The following MTUS2 variants were observed in gnomAD, a reference collection of about 807,000 sequenced individuals.
MTUS2 encodes microtubule associated scaffold protein 2, also known as microtubule-associated tumor suppressor candidate 2.
Under a neutral mutation model 114.1 loss-of-function variants are expected in MTUS2, and 40 were observed. The ratio of observed to expected loss-of-function variants is 0.35; its 90% CI spans 0.27 to 0.46. The LOEUF (loss-of-function observed/expected upper bound fraction) is 0.46. MTUS2 is among the 20% of genes least tolerant of loss of function. The probability of loss-of-function intolerance (pLI) is 1.00; values close to 1 mark genes in which losing one functional copy is unlikely to be tolerated. For missense variants in MTUS2, 1,679 were observed against 1,705.4 expected (o/e 0.98, Z 0.27); for synonymous variants, 688 against 672.0 (o/e 1.02, Z -0.37).
intron 8 of MTUS2, among the ~76,000 whole-genome samples, chr13:29,405,743 CTTT>C (rs35738274): frequency 7.0e-6 from 1 of 141,900 alleles, no homozygotes; most frequent in Non-Finnish European, 1.5e-5. Flanking sequence ...TAATTAACTA[CTTT>C]TTTTTTTTTT....
intron 5 of MTUS2, among the ~76,000 whole-genome samples, chr13:29,207,405 T>A (rs1311295018): frequency 6.6e-6 from 1 of 152,202 alleles, no homozygotes; most frequent in East Asian, 1.9e-4. Context: ...CTGATTTGGA[T>A]GCCCTTTATT....
intron 4 of MTUS2, among the ~76,000 whole-genome samples, chr13:29,046,001 G>T (rs1370859779): frequency 6.6e-6 from 1 of 152,006 alleles, no homozygotes; most frequent in African/African-American, 2.4e-5. Context: ...GCTTGAGAAA[G>T]AATTGTTTAT....
intron 2 of MTUS2, among the ~76,000 whole-genome samples, chr13:28,921,134 C>A (rs7338961): frequency 0.016 from 2,388 of 152,312 alleles, 57 homozygotes; most frequent in African/African-American, 0.054. Context: ...CCATAGCTCC[C>A]ACAGCTGAGA....
chr13:29,217,099 C>G (rs1041519623), intron 5 of MTUS2, among the ~76,000 whole-genome samples: 2 of 152,132 alleles, frequency 1.3e-5, no homozygotes, highest in African/African-American at 4.8e-5. Flanking sequence ...TTCTGTAGAC[C>G]TCTACTCAAC....
rs112270006 is a variant in MTUS2, at chr13:29,286,676, A to G, written c.2806+4811A>G. Among the ~76,000 whole-genome samples, 140 of 126,442 alleles carry G rather than the reference A, an allele frequency of 1.1e-3. 2 individuals are homozygous for G. Among genetic ancestry groups the G allele is most frequent in the Admixed American group, 9.5e-3 (127 of 13,430 alleles). 83.0% of individuals were successfully genotyped at this position (126,442 alleles called of 152,430 possible). ...TGTCTGTCTGTCTGTCTGTCTGTCT[A>G]TCTATCTATCTATCTATCTATCTTA... On this transcript the variant is annotated intron_variant, in intron 6 of 15. Transcript: ENST00000612955.
At chr13:29,005,351 G>T (rs1885559406) in intron 2 of MTUS2, among the ~76,000 whole-genome samples, 1 of 152,246 alleles carries the variant, frequency 6.6e-6, no homozygotes, top group East Asian at 1.9e-4. Context: ...CACAAATAGG[G>T]CTTTGATCCC....
chr13:29,023,683 C>A (rs968621228), intron 2 of MTUS2, among the ~76,000 whole-genome samples: 1 of 152,126 alleles, frequency 6.6e-6, no homozygotes, highest in Non-Finnish European at 1.5e-5. Context: ...TAATAATATC[C>A]TTTGCTAACA....
chr13:29,389,690 T>TAC (rs1289547523), intron 8 of MTUS2, among the ~76,000 whole-genome samples: 1 of 140,738 alleles, frequency 7.1e-6, no homozygotes, highest in African/African-American at 2.7e-5. Flanking sequence ...TATGTATGTA[T>TAC]ATATGTGTAT....
chr13:29,080,878 A>G (rs188508327), intron 4 of MTUS2, among the ~76,000 whole-genome samples: 26 of 152,218 alleles, frequency 1.7e-4, no homozygotes, highest in Non-Finnish European at 3.2e-4. Context: ...GGTGCCCACC[A>G]CTATGCCTAG....
chr13:29,461,111 G>T (rs80107392), intron 9 of MTUS2, among the ~76,000 whole-genome samples: 1 of 152,094 alleles, frequency 6.6e-6, no homozygotes, highest in Non-Finnish European at 1.5e-5. Flanking sequence ...CCTGCTTCTG[G>T]TAAGGGCCAA....
chr13:29,229,025 C>T (rs1192080683), intron 5 of MTUS2, among the ~76,000 whole-genome samples: 2 of 152,102 alleles, frequency 1.3e-5, no homozygotes, highest in Non-Finnish European at 2.9e-5. Flanking sequence ...CCTGCATCCA[C>T]GAAGGTCCTG....
At chr13:29,123,729 C>T (rs371975177) in intron 5 of MTUS2, among the ~76,000 whole-genome samples, 24 of 152,112 alleles carry the variant, frequency 1.6e-4, no homozygotes, top group South Asian at 8.3e-4. Flanking sequence ...CACACACACA[C>T]GCATACACAC....
intron 2 of MTUS2, among the ~76,000 whole-genome samples, chr13:28,961,612 A>T (rs1405218347): frequency 2.6e-5 from 4 of 152,206 alleles, no homozygotes; most frequent in Non-Finnish European, 4.4e-5. Flanking sequence ...ATTGGGATTA[A>T]CATAGCTAAA....
At chr13:29,489,638 A>T (rs1473976086) in intron 11 of MTUS2, 1 of 152,198 alleles carries the variant, frequency 6.6e-6, no homozygotes, top group Non-Finnish European at 1.5e-5. Flanking sequence ...TGATATTCCA[A>T]TTTAATTGCT....
At chr13:28,832,312 G>GAAT (rs1874743047) in intron 1 of MTUS2, among the ~76,000 whole-genome samples, 1 of 152,108 alleles carries the variant, frequency 6.6e-6, no homozygotes, top group Non-Finnish European at 1.5e-5. Flanking sequence ...AAATAATACA[G>GAAT]AATATGTTCC....
intron 8 of MTUS2, among the ~76,000 whole-genome samples, chr13:29,368,379 A>C (rs1870918949): frequency 6.6e-6 from 1 of 152,144 alleles, no homozygotes; most frequent in East Asian, 1.9e-4. Flanking sequence ...TAATTTAGTT[A>C]ATGCTTACAG....
rs1566301806 is a variant in MTUS2 at position 29,025,327 on chromosome 13, C to T, written c.629C>T (p.Pro210Leu). The change falls in exon 3 of 16, where the codon CCT (proline) becomes CTT (leucine). Residue 210 changes from proline (P) to leucine (L), a missense_variant. Pro to Leu is a moderately conservative substitution (Grantham distance 98). Transcript: ENST00000612955. ...TCCCGGGAAGCACGGGGTCAGATAC[C>T]TGGGGGTGGGGAGGGGCCACAGAAG... ...LDSREARGQI[P>L]GGGEGPQKTL... 2.5e-6 allele frequency: 4 copies of T among 1,613,846 alleles called. No individual in the cohort carries two copies. The South Asian group carries it at 3.3e-5, about 13-fold the overall frequency.
chr13:29,229,843 C>G (rs538313812), intron 5 of MTUS2, among the ~76,000 whole-genome samples: 2 of 152,220 alleles, frequency 1.3e-5, no homozygotes, highest in East Asian at 1.9e-4. Context: ...TTTGCTCATA[C>G]TTTTACTGGC....
chr13:29,013,051 T>C (rs535461263), intron 2 of MTUS2, among the ~76,000 whole-genome samples: 1 of 152,306 alleles, frequency 6.6e-6, no homozygotes, highest in East Asian at 1.9e-4. Flanking sequence ...CCTACTCCTG[T>C]GACAAGACAA....
Sources: allele counts gnomAD v4.1 joint callset (sites outside exome capture counted in the v4.1 genomes callset), GRCh38; gene constraint gnomAD v4.1.1; transcripts MANE v1.5; gene names NCBI Gene and HGNC (gene_info 2026-07-23, HGNC 2026-07-21).